Variants in PNPLA7 observed in about 807,000 individuals in gnomAD.
PNPLA7 encodes the protein patatin-like phospholipase domain-containing protein 7.
A neutral mutation model predicts 161.7 loss-of-function variants in PNPLA7; 153 were observed. That is an observed-to-expected ratio of 0.95 (90% CI 0.83 to 1.08). The LOEUF (loss-of-function observed/expected upper bound fraction) is 1.08, where lower values mean the gene tolerates loss of function less well. PNPLA7 is among the 50% of genes least tolerant of loss of function. PNPLA7 has a pLI of 0.00. For missense variants in PNPLA7, 1,739 were observed against 1,856.6 expected, an observed-to-expected ratio of 0.94 and a Z score of 1.16; for synonymous variants, 809 against 782.1, an observed-to-expected ratio of 1.03 and a Z score of -0.57.
chr9:137,461,945 T>A lies in PNPLA7; in HGVS notation c.3742A>T (p.Lys1248Ter), dbSNP rs1486498667. The A allele has an allele frequency of 6.3e-7, 1 of 1,581,592 alleles. No individual in the cohort carries two copies. Among genetic ancestry groups the A allele is most frequent in the South Asian group, 1.2e-5 (1 of 86,944 alleles). Reference sequence around the variant, plus strand: ...CCCGTACTCACCGCACTCGCGGGCTTCTTGCTCGGCCCCTGCTGGTCGCGG... The same window carrying A: ...CCCGTACTCACCGCACTCGCGGGCTACTTGCTCGGCCCCTGCTGGTCGCGG... ...MLRDQQGPSK[K>*]PASAVLTCPN... The change falls in exon 32 of 35, where the codon AAG becomes TAG. Residue 1248 changes from lysine to a stop codon, truncating the protein, a stop_gained. Transcript: ENST00000406427. LOFTEE classifies it high-confidence loss of function.
At chr9:137,504,003 AAAGAAGAAGGAAG>A (rs1833750085) in intron 14 of PNPLA7, among the ~76,000 whole-genome samples, 3 of 29,740 alleles carry the variant, frequency 1.0e-4, no homozygotes, top group Middle Eastern at 0.013. Flanking sequence ...CAAGAAGAAG[AAAGAAGAAGGAAG>A]AAGAAGAAGG....
chr9:137,522,342 GGGGTTACAGGC>G (rs1835062970), intron 9 of PNPLA7, among the ~76,000 whole-genome samples: 1 of 151,436 alleles, frequency 6.6e-6, no homozygotes, highest in Non-Finnish European at 1.5e-5. Context: ...CCACAGTGCT[GGGGTTACAGGC>G]GGGAGCCGCC....
Position 137,486,296 on chromosome 9 carries a change from G to T in PNPLA7, c.2198-1560C>A, listed in dbSNP as rs2132179441. Among the ~76,000 whole-genome samples the T allele has an allele frequency of 6.6e-6, 1 of 152,304 alleles. No homozygotes were observed. Among genetic ancestry groups the T allele is most frequent in the Non-Finnish European group, 1.5e-5 (1 of 68,026 alleles). On this transcript the variant is annotated intron_variant, in intron 20 of 34. Coordinates refer to ENST00000406427, the MANE Select transcript of PNPLA7 (RefSeq NM_001098537.3). The surrounding 1 kb of genome is among the most constrained non-coding windows in gnomAD (Gnocchi z 6.0). Reference sequence around the variant, plus strand: ...GACGGCGGCCAGCGGACACCTGCAAGATCCTGGGATGCACACGGCGCCGTG... The same window carrying T: ...GACGGCGGCCAGCGGACACCTGCAATATCCTGGGATGCACACGGCGCCGTG...
intron 21 of PNPLA7, among the ~76,000 whole-genome samples, chr9:137,481,901 A>G (rs1054594644): frequency 6.6e-6 from 1 of 152,156 alleles, no homozygotes; most frequent in Non-Finnish European, 1.5e-5. Flanking sequence ...GCGCCACTGC[A>G]CTCCAGCCTG....
chr9:137,481,345 C>T (rs964771062), intron 21 of PNPLA7, among the ~76,000 whole-genome samples: 1 of 152,242 alleles, frequency 6.6e-6, no homozygotes, highest in Non-Finnish European at 1.5e-5. Context: ...TCTCTGTGTC[C>T]TGCCACGTGT....
rs561057616 is a variant in PNPLA7 at position 137,515,533 on chromosome 9, A to G, written c.1085-14T>C. On this transcript the variant is annotated splice_polypyrimidine_tract_variant and intron_variant, in intron 11 of 34. Transcript: ENST00000406427. ...CGCCCCCGTGATCTGCTGGGGAGGC[A>G]GCCGTAAGCAACCTTGTTTGCACGC... 9 of 1,526,980 alleles carry G rather than the reference A, an allele frequency of 5.9e-6. No individual in the cohort carries two copies. Among genetic ancestry groups the G allele is most frequent in the Non-Finnish European group, 7.9e-6 (9 of 1,140,538 alleles). The allele number at this position is 1,526,980 out of a possible 1,614,324, so 94.6% of individuals were successfully genotyped here.
At position 137,468,743 on chromosome 9, in the gene PNPLA7, TA is replaced by T. The variant is rs1831588049; in HGVS notation, c.2883-1271del. Among the ~76,000 whole-genome samples the T allele has an allele frequency of 2.0e-5, 3 of 151,564 alleles. No individual in the cohort carries two copies. In the South Asian group the frequency reaches 6.3e-4, roughly 32 times the overall value. On this transcript the variant is annotated intron_variant, in intron 25 of 34. Coordinates refer to ENST00000406427, the MANE Select transcript of PNPLA7 (RefSeq NM_001098537.3). The surrounding 1 kb of genome is among the most constrained non-coding windows in gnomAD (Gnocchi z 4.0). ...CTGGACTGGAGTGAGACCCTGTCTA[TA>T]AAAAAGTTCTGGAAATGAACAGTGG...
Position 137,540,767 on chromosome 9 carries a change from G to C in PNPLA7, c.667-45C>G. 3 of 1,553,230 alleles carry C rather than the reference G, an allele frequency of 1.9e-6. No homozygotes were observed. The highest frequency in any genetic ancestry group is 2.6e-6 in the Non-Finnish European group (3 of 1,141,388). On this transcript the variant is annotated intron_variant, in intron 7 of 34. Transcript: ENST00000406427. The surrounding 1 kb of genome is among the most constrained non-coding windows in gnomAD (Gnocchi z 5.1). Reference sequence around the variant, plus strand: ...TGGGTGCCGTCAGGTCTGGGGCTGCGACCGCGGGGCCTGGCGGAGGCTCAG... The same window carrying C: ...TGGGTGCCGTCAGGTCTGGGGCTGCCACCGCGGGGCCTGGCGGAGGCTCAG...
In PNPLA7 at chr9:137,541,555, A is replaced by T. The variant is rs998133779; in HGVS notation, c.667-833T>A. ...CTGCAGGTCAGGGTGATGATCACAC[A>T]AAGCCCAGGGTTTGCTGAGTGCGTG... On this transcript the variant is annotated intron_variant, in intron 7 of 34. Coordinates refer to ENST00000406427, the MANE Select transcript of PNPLA7 (RefSeq NM_001098537.3). This position sits in a 1 kb window ranked among gnomAD's most constrained non-coding sequence, Gnocchi z 4.4. 2.5e-5 allele frequency: 24 copies of T among 948,826 alleles called. No homozygotes were observed. Among genetic ancestry groups the T allele is most frequent in the Non-Finnish European group, 2.9e-5 (23 of 796,706 alleles). The allele number at this position is 948,826 out of a possible 1,614,324, so 58.8% of individuals were successfully genotyped here. A position where few individuals can be genotyped will look rare whatever the true frequency, so the allele number is the denominator to read the frequency against.
At chr9:137,503,497 GGGGGAA>G (rs1425267170) in intron 14 of PNPLA7, among the ~76,000 whole-genome samples, 15 of 112,508 alleles carry the variant, frequency 1.3e-4, no homozygotes, top group African/African-American at 4.7e-4. Flanking sequence ...AGAAGGAGGA[GGGGGAA>G]GGAGAAGGAG....
chr9:137,540,708 C>A lies in PNPLA7; in HGVS notation c.681G>T (p.Val227=). ...CTCCCGCCAGAACCTCTTTCACCAC[C>A]ACCTCGGTGCCGTCCTGCGCTTGGA... The part of the protein sequence containing the change: ...VCIQDTDGTE[V]VVKEVLAGDS... The change falls in exon 8 of 35, where the codon GTG becomes GTT. Residue 227 remains valine, a synonymous_variant. Coordinates refer to ENST00000406427, the MANE Select transcript of PNPLA7 (RefSeq NM_001098537.3). This position sits in a 1 kb window ranked among gnomAD's most constrained non-coding sequence, Gnocchi z 5.1. 1 of 1,610,858 alleles carries A rather than the reference C, an allele frequency of 6.2e-7. No individual in the cohort carries two copies. Among genetic ancestry groups the A allele is most frequent in the Non-Finnish European group, 8.5e-7 (1 of 1,178,856 alleles).
chr9:137,519,040 A>G (rs1406398298), intron 11 of PNPLA7, among the ~76,000 whole-genome samples: 4 of 77,816 alleles, frequency 5.1e-5, no homozygotes, highest in African/African-American at 5.1e-5. Context: ...CCTCCACTCT[A>G]CTCACTCCAT....
In PNPLA7 at chr9:137,540,762, GCTGCGAC is replaced by G; in HGVS notation, c.667-47_667-41del. 1 of 1,568,622 alleles carries G rather than the reference GCTGCGAC, an allele frequency of 6.4e-7. No individual in the cohort carries two copies. The highest frequency in any genetic ancestry group is 8.7e-7 in the Non-Finnish European group (1 of 1,153,130). ...CAGAGTGGGTGCCGTCAGGTCTGGG[GCTGCGAC>G]CGCGGGGCCTGGCGGAGGCTCAGCC... On this transcript the variant is annotated intron_variant, in intron 7 of 34. Transcript: ENST00000406427. The surrounding 1 kb of genome is among the most constrained non-coding windows in gnomAD (Gnocchi z 5.1).
chr9:137,518,230 C>A (rs375267318), intron 11 of PNPLA7, among the ~76,000 whole-genome samples: 5 of 141,830 alleles, frequency 3.5e-5, no homozygotes, highest in African/African-American at 1.4e-4. Context: ...CCCACTCACT[C>A]ACTCCACTCT....
intron 25 of PNPLA7, among the ~76,000 whole-genome samples, chr9:137,477,096 G>A (rs545927895): frequency 2.1e-4 from 32 of 152,338 alleles, no homozygotes; most frequent in African/African-American, 5.8e-4. Context: ...CTGGACCCCC[G>A]CCCAGGCACC....
At chr9:137,474,357 T>C (rs1428552431) in intron 25 of PNPLA7, among the ~76,000 whole-genome samples, 1 of 152,142 alleles carries the variant, frequency 6.6e-6, no homozygotes, top group Non-Finnish European at 1.5e-5. Flanking sequence ...GAGGGCACCA[T>C]GGAAGCTGGC....
chr9:137,495,187 G>A, intron 18 of PNPLA7, 41 bp from the exon 19 acceptor site: 1 of 1,478,196 alleles, frequency 6.8e-7, no homozygotes, highest in South Asian at 1.2e-5. Flanking sequence ...GGGCTTGGGA[G>A]GGCCGAGCCA....
In PNPLA7 at chr9:137,464,129, C is replaced by A; in HGVS notation, c.3223G>T (p.Asp1075Tyr). ...ITASAMRVHTDGSLWWYVRAS... is the reference protein window; with the variant it reads ...ITASAMRVHTYGSLWWYVRAS... ...CCTGCGCAGCAGGAGTGCTCACCGTCGGTGTGGACCCGCATGGCCGAGGCT... is the reference window on the plus strand; with the variant it reads ...CCTGCGCAGCAGGAGTGCTCACCGTAGGTGTGGACCCGCATGGCCGAGGCT... The change falls in exon 28 of 35, where the codon GAC becomes TAC. Residue 1075 changes from aspartate to tyrosine, a missense_variant. By Grantham distance (160) the Asp-to-Tyr change is radical (BLOSUM62 -3). Coordinates refer to ENST00000406427, the MANE Select transcript of PNPLA7 (RefSeq NM_001098537.3). 1 of 1,613,286 alleles carries A rather than the reference C, an allele frequency of 6.2e-7. No individual in the cohort carries two copies. Among genetic ancestry groups the A allele is most frequent in the Non-Finnish European group, 8.5e-7 (1 of 1,179,822 alleles).
At chr9:137,517,800 T>C (rs1234625842) in intron 11 of PNPLA7, among the ~76,000 whole-genome samples, 1 of 18,980 alleles carries the variant, frequency 5.3e-5, no homozygotes, top group Non-Finnish European at 9.8e-5. Flanking sequence ...CTCCACTCTG[T>C]CCACTCCATC....
Sources: allele counts gnomAD v4.1 joint callset (sites outside exome capture counted in the v4.1 genomes callset), GRCh38; gene constraint gnomAD v4.1.1; non-coding constraint Gnocchi (gnomAD v3.1); transcripts MANE v1.5; gene names NCBI Gene and HGNC (gene_info 2026-07-23, HGNC 2026-07-21).